The following ABCA10 variants were observed in gnomAD, a reference collection of about 807,000 sequenced individuals.
ABCA10 encodes ATP binding cassette subfamily A member 10, also known as ATP-binding cassette sub-family A member 10.
In ABCA10, 169 loss-of-function variants were observed where a neutral mutation model predicts 187.5. The observed-to-expected ratio is 0.90, with a 90% CI of 0.80 to 1.02. The LOEUF (loss-of-function observed/expected upper bound fraction) is 1.02, where lower values mean the gene tolerates loss of function less well. Among genes scored for constraint, ABCA10 ranks in the 50% least tolerant of loss-of-function variants. The pLI, the probability that ABCA10 is intolerant of heterozygous loss-of-function variation, is 0.00. For synonymous variants in ABCA10, 574 were observed against 601.8 expected, an observed-to-expected ratio of 0.95 and a Z score of 0.68; for missense variants, 1,727 against 1,812.4, an observed-to-expected ratio of 0.95 and a Z score of 0.86.
intron 25 of ABCA10, 139 bp from the exon 26 acceptor site, chr17:69,165,222 T>C: frequency 4.1e-6 from 3 of 728,422 alleles, no homozygotes; most frequent in Non-Finnish European, 6.6e-6. Flanking sequence ...TCTTAGGATA[T>C]CCTCTTTAGG....
intron 12 of ABCA10, 26 bp downstream of exon 12, chr17:69,194,359 C>T (rs2074483234): frequency 6.3e-7 from 1 of 1,579,792 alleles, no homozygotes. Flanking sequence ...TTTCAGCCAA[C>T]TTACTTTATA....
chr17:69,213,280 T>C (rs1053644862), intron 9 of ABCA10, among the ~76,000 whole-genome samples: 9 of 152,064 alleles, frequency 5.9e-5, no homozygotes, highest in African/African-American at 2.2e-4. Flanking sequence ...CAAGAGTTTG[T>C]GTCTTTTGTC....
At chr17:69,244,104 TGA>T (rs1325946866) in intron 1 of ABCA10, among the ~76,000 whole-genome samples, 2 of 152,192 alleles carry the variant, frequency 1.3e-5, no homozygotes, top group Non-Finnish European at 2.9e-5. Flanking sequence ...GTTAAATATC[TGA>T]GAGTAACTGA....
chr17:69,215,200 G>A (rs2074694745), intron 8 of ABCA10, among the ~76,000 whole-genome samples: 1 of 152,014 alleles, frequency 6.6e-6, no homozygotes, highest in Non-Finnish European at 1.5e-5. Flanking sequence ...CCCATTTAAA[G>A]AAACATAAAA....
intron 8 of ABCA10, 65 bp from the exon 9 acceptor site, chr17:69,214,916 T>TA (rs2074692213): frequency 1.6e-6 from 2 of 1,233,172 alleles, no homozygotes; most frequent in South Asian, 1.7e-5. Context: ...ACAATTTTTT[T>TA]TAAAAAATAG....
chr17:69,174,007 G>T (rs1230267680), intron 25 of ABCA10, among the ~76,000 whole-genome samples: 1 of 151,956 alleles, frequency 6.6e-6, no homozygotes, highest in Non-Finnish European at 1.5e-5. Context: ...TCTTTCAGCT[G>T]TTACATGCCA....
chr17:69,201,971 C>T (rs2144817667), intron 9 of ABCA10, among the ~76,000 whole-genome samples: 1 of 152,218 alleles, frequency 6.6e-6, no homozygotes, highest in Non-Finnish European at 1.5e-5. Flanking sequence ...TTATTAGAGA[C>T]AGGGTTTCAC....
In ABCA10 at chr17:69,175,512, T is replaced by C. The variant is rs2074328270; in HGVS notation, c.2771A>G (p.Asp924Gly). 2.5e-6 allele frequency: 4 copies of C among 1,602,380 alleles called. No individual in the cohort carries two copies. The East Asian group carries it at 9.0e-5, about 36-fold the overall frequency. Residue 924 changes from aspartate (D) to glycine (G), a missense_variant and splice_region_variant, in exon 23 of 39, where the codon GAT (aspartate) becomes GGT (glycine). By Grantham distance (94) the Asp-to-Gly change is moderately conservative. Transcript: ENST00000690296. Reference sequence around the variant, plus strand: ...AAAACCAAGATCCAGCACTATGTCATCCTGAAAGATGAAAACACATCAGTA... The same window carrying C: ...AAAACCAAGATCCAGCACTATGTCACCCTGAAAGATGAAAACACATCAGTA... ...IQMESTSFSR[D>G]DIVLDLGFID...
chr17:69,183,134 C>T (rs2074393228), intron 20 of ABCA10, among the ~76,000 whole-genome samples: 1 of 152,248 alleles, frequency 6.6e-6, no homozygotes, highest in Middle Eastern at 3.4e-3. Context: ...CTTTTATAAA[C>T]TTTACCAGAA....
At chr17:69,172,853 A>G (rs565649251) in intron 25 of ABCA10, among the ~76,000 whole-genome samples, 2 of 152,132 alleles carry the variant, frequency 1.3e-5, no homozygotes, top group Non-Finnish European at 2.9e-5. Flanking sequence ...TTCTTTTACA[A>G]GAGACAGGCA....
intron 9 of ABCA10, among the ~76,000 whole-genome samples, chr17:69,211,336 T>TG (rs1467921457): frequency 8.5e-6 from 1 of 117,514 alleles, no homozygotes; most frequent in East Asian, 2.2e-4. Flanking sequence ...TATATATATA[T>TG]ATATATATAT....
chr17:69,191,894 C>T (rs2074462713), intron 16 of ABCA10, among the ~76,000 whole-genome samples: 2 of 152,194 alleles, frequency 1.3e-5, no homozygotes, highest in Admixed American at 1.3e-4. Flanking sequence ...AAAATGTTCC[C>T]ATGTGATATT....
At chr17:69,200,103 T>C (rs919237577) in intron 10 of ABCA10, among the ~76,000 whole-genome samples, 10 of 152,236 alleles carry the variant, frequency 6.6e-5, no homozygotes, top group Non-Finnish European at 2.9e-5. Context: ...ATTTCACCAA[T>C]CACCTTTTAC....
intron 6 of ABCA10, among the ~76,000 whole-genome samples, chr17:69,219,306 T>G (rs2074728156): frequency 6.6e-6 from 1 of 152,094 alleles, no homozygotes; most frequent in Non-Finnish European, 1.5e-5. Context: ...TTTGGGGTGG[T>G]TTTTATGCGG....
intron 6 of ABCA10, 84 bp downstream of exon 6, chr17:69,219,461 T>C (rs2144844295): frequency 1.0e-6 from 1 of 1,003,600 alleles, no homozygotes. Context: ...AGAAAACTTG[T>C]GAGTGCGTCC....
chr17:69,230,186 C>A (rs143831748), upstream of ABCA10, among the ~76,000 whole-genome samples: 164 of 152,204 alleles, frequency 1.1e-3, 1 homozygote, highest in African/African-American at 3.8e-3. Context: ...TGTGGGATGA[C>A]CCTCACCAGA....
At chr17:69,155,705 G>T in intron 29 of ABCA10, 100 bp downstream of exon 29, 1 of 1,396,036 alleles carries the variant, frequency 7.2e-7, no homozygotes, top group South Asian at 1.6e-5. Context: ...AAATATTAAA[G>T]AAACTAAAGC....
chr17:69,174,189 C>T, intron 25 of ABCA10, 92 bp downstream of exon 25: 1 of 884,252 alleles, frequency 1.1e-6, no homozygotes, highest in Non-Finnish European at 1.6e-6. Context: ...ACCCTCCATT[C>T]TCTTCTAAGC....
At position 69,182,208 on chromosome 17, in the gene ABCA10, A is replaced by G. The variant is rs1242796271; in HGVS notation, c.2714T>C (p.Met905Thr). The G allele has an allele frequency of 1.2e-6, 2 of 1,601,088 alleles. No individual in the cohort carries two copies. Among genetic ancestry groups the G allele is most frequent in the Non-Finnish European group, 1.7e-6 (2 of 1,173,172 alleles). Residue 905 changes from methionine to threonine, a missense_variant, in exon 22 of 39, where the codon ATG (methionine) becomes ACG (threonine). Transcript: ENST00000690296. ...VLMGIVSNAL[M>T]GIFNFTELIQ... ...AAGCTCCGTGAAGTTAAAAATTCCC[A>G]TAAGGGCATTGCTAACAATTCCCAT...
Sources: allele counts gnomAD v4.1 joint callset (sites outside exome capture counted in the v4.1 genomes callset), GRCh38; gene constraint gnomAD v4.1.1; transcripts MANE v1.5; gene names NCBI Gene and HGNC (gene_info 2026-07-23, HGNC 2026-07-21).